The following IL5RA variants were observed in gnomAD, a reference collection of about 807,000 sequenced individuals.
IL5RA encodes interleukin-5 receptor subunit alpha.
A neutral mutation model predicts 50.0 loss-of-function variants in IL5RA; 49 were observed. The ratio of observed to expected loss-of-function variants is 0.98; its 90% confidence interval spans 0.78 to 1.24. IL5RA has a LOEUF of 1.24. IL5RA is among the 50% of genes most tolerant of loss of function. The probability of loss-of-function intolerance (pLI) is 0.00; values close to 1 mark genes in which losing one functional copy is unlikely to be tolerated. For missense variants in IL5RA, 600 were observed against 500.4 expected, an observed-to-expected ratio of 1.20 and a Z score of -1.90; for synonymous variants, 202 against 174.0, an observed-to-expected ratio of 1.16 and a Z score of -1.26.
In IL5RA at chr3:3,092,457, T is replaced by G; in HGVS notation, c.856-95A>C. 1 of 1,146,686 alleles carries G rather than the reference T, an allele frequency of 8.7e-7. No individual in the cohort carries two copies. Among genetic ancestry groups the G allele is most frequent in the Non-Finnish European group, 1.3e-6 (1 of 791,684 alleles). 71.0% of individuals were successfully genotyped at this position (1,146,686 alleles called of 1,614,324 possible). On this transcript the variant is annotated intron_variant, in intron 8 of 11. Transcript: ENST00000446632. This position sits in a 1 kb window ranked among gnomAD's most constrained non-coding sequence, Gnocchi z 4.2. ...GGAGGTCCTATATAGGTCATGTGAC[T>G]CACTGTTCAGCAAGTCCTTTAAAAT...
intron 8 of IL5RA, among the ~76,000 whole-genome samples, chr3:3,094,238 T>C (rs1473135955): frequency 6.6e-6 from 1 of 152,222 alleles, no homozygotes; most frequent in Non-Finnish European, 1.5e-5. Context: ...CTTGCAAAAC[T>C]GGAACTCTGT....
rs1703446890 is a variant in IL5RA at position 3,098,045 on chromosome 3, C to A, written c.534G>T (p.Trp178Cys). ...QYFLYYRYGS[W>C]TEECQEYSKD... The stretch of plus-strand genomic sequence containing the variant: ...TGCTGTATTCTTGGCATTCTTCAGT[C>A]CAAGAGCCATACCTAAATTGGAACA... The change falls in exon 7 of 12, where the codon TGG becomes TGT. Residue 178 changes from tryptophan (W) to cysteine (C), a missense_variant. By Grantham distance (215) the Trp-to-Cys change is radical (BLOSUM62 -2). Transcript: ENST00000446632. The A allele has an allele frequency of 1.9e-6, 3 of 1,614,128 alleles. No individual in the cohort carries two copies. Among genetic ancestry groups the A allele is most frequent in the South Asian group, 1.1e-5 (1 of 91,064 alleles).
chr3:3,088,537 A>T (rs334809), intron 9 of IL5RA, among the ~76,000 whole-genome samples: 112,047 of 152,190 alleles, frequency 0.74, 42,427 homozygotes, highest in African/African-American at 0.93. Context: ...CTAGCTTATA[A>T]CATAGAGCTA....
chr3:3,109,300 G>A (rs887142555), intron 1 of IL5RA, among the ~76,000 whole-genome samples: 10 of 152,148 alleles, frequency 6.6e-5, no homozygotes, highest in African/African-American at 2.4e-4. Context: ...GGAAATCCAA[G>A]AACCCCTACC....
At chr3:3,101,112 G>A (rs1191000641) in intron 5 of IL5RA, among the ~76,000 whole-genome samples, 1 of 151,642 alleles carries the variant, frequency 6.6e-6, no homozygotes, top group Non-Finnish European at 1.5e-5. Flanking sequence ...CCAGGAGGCA[G>A]AGGTTGCAGT....
intron 7 of IL5RA, 69 bp downstream of exon 7, chr3:3,097,801 A>T (rs950498882): frequency 6.6e-7 from 1 of 1,509,854 alleles, no homozygotes; most frequent in African/African-American, 1.4e-5. Flanking sequence ...GGTGATCTTT[A>T]TAACCCTTCC....
chr3:3,080,439 G>A (rs1301736707), intron 9 of IL5RA, among the ~76,000 whole-genome samples: 1 of 152,156 alleles, frequency 6.6e-6, no homozygotes, highest in Non-Finnish European at 1.5e-5. Context: ...AGGGCACACT[G>A]AATACATAGG....
intron 4 of IL5RA, 93 bp downstream of exon 4, chr3:3,102,582 A>AC: frequency 1.1e-6 from 1 of 884,554 alleles, no homozygotes; most frequent in Non-Finnish European, 1.7e-6. Context: ...CAGTAATTTT[A>AC]TTTTTTTAAT....
chr3:3,091,651 GA>G (rs1703110973), intron 9 of IL5RA, among the ~76,000 whole-genome samples: 2 of 152,268 alleles, frequency 1.3e-5, no homozygotes, highest in South Asian at 4.1e-4. Flanking sequence ...AGAATCGCTC[GA>G]ACCCAGGAGG....
rs1033478131 is a variant in IL5RA, at chr3:3,092,672, A to G, written c.856-310T>C. 2.0e-5 allele frequency among the ~76,000 whole-genome samples: 3 copies of G among 152,224 alleles called. No homozygotes were observed. The highest frequency in any genetic ancestry group is 7.2e-5 in the African/African-American group (3 of 41,454). ...ACTGGAGTGGCCTATGCTAGAATGC[A>G]TTATTCCCTCACCTTGTCTCTCCAT... On this transcript the variant is annotated intron_variant, in intron 8 of 11. Coordinates refer to ENST00000446632, the MANE Select transcript of IL5RA (RefSeq NM_175726.4). This position sits in a 1 kb window ranked among gnomAD's most constrained non-coding sequence, Gnocchi z 4.2.
chr3:3,094,459 G>A (rs1180651710), intron 8 of IL5RA, among the ~76,000 whole-genome samples: 1 of 152,082 alleles, frequency 6.6e-6, no homozygotes, highest in African/African-American at 2.4e-5. Flanking sequence ...TTTTAATGCT[G>A]GATAATATCC....
At chr3:3,083,376 G>T (rs1272178981) in intron 9 of IL5RA, among the ~76,000 whole-genome samples, 1 of 152,202 alleles carries the variant, frequency 6.6e-6, no homozygotes, top group Non-Finnish European at 1.5e-5. Flanking sequence ...TGGTGGAACT[G>T]GGCTTGCATT....
At chr3:3,076,017 T>C (rs1335108828) in intron 10 of IL5RA, among the ~76,000 whole-genome samples, 2 of 152,214 alleles carry the variant, frequency 1.3e-5, no homozygotes, top group African/African-American at 4.8e-5. Flanking sequence ...TTATGGACCA[T>C]TTGTGGACTC....
chr3:3,078,809 G>C (rs1702569750), intron 9 of IL5RA, among the ~76,000 whole-genome samples: 1 of 149,910 alleles, frequency 6.7e-6, no homozygotes, highest in African/African-American at 2.5e-5. Context: ...ACTCCAGCCT[G>C]GGTGACAAGA....
intron 4 of IL5RA, 128 bp from the exon 5 acceptor site, chr3:3,101,958 G>GA: frequency 1.2e-6 from 1 of 864,278 alleles, no homozygotes; most frequent in Non-Finnish European, 1.7e-6. Context: ...AGTTTTGCTA[G>GA]AAAAAAAGTC....
Position 3,070,147 on chromosome 3 carries a change from C to G in IL5RA, c.*78G>C, listed in dbSNP as rs944391336. ...TGCCTAAATTCTGAACACCTCTTAG[C>G]CAAGAGCCAGCATCCCTGTTCTTTT... On this transcript the variant is annotated 3_prime_UTR_variant, in exon 12 of 12. Transcript: ENST00000446632. The G allele has an allele frequency of 7.5e-6, 7 of 929,292 alleles. No homozygotes were observed. The African/African-American group carries it at 1.2e-4, about 16-fold the overall frequency. 57.6% of individuals were successfully genotyped at this position (929,292 alleles called of 1,614,324 possible). A position where few individuals can be genotyped will look rare whatever the true frequency, so the allele number is the denominator to read the frequency against.
chr3:3,076,056 T>C (rs1702470266), intron 10 of IL5RA, among the ~76,000 whole-genome samples: 1 of 152,150 alleles, frequency 6.6e-6, no homozygotes, highest in Admixed American at 6.6e-5. Flanking sequence ...CCACATGCGA[T>C]TTCTAGAATC....
In IL5RA at chr3:3,069,776, T is replaced by A. The variant is rs995825152; in HGVS notation, c.*449A>T. On this transcript the variant is annotated 3_prime_UTR_variant, in exon 12 of 12. Coordinates refer to ENST00000446632, the MANE Select transcript of IL5RA (RefSeq NM_175726.4). Reference sequence around the variant, plus strand: ...ACAGTCTTGAATCCAAGTTCATGGTTCACTCCAGGCTGATGCAAAATGCTT... The same window carrying A: ...ACAGTCTTGAATCCAAGTTCATGGTACACTCCAGGCTGATGCAAAATGCTT... 6.3e-6 allele frequency: 1 copy of A among 157,952 alleles called. No homozygotes were observed. The highest frequency in any genetic ancestry group is 2.4e-5 in the African/African-American group (1 of 41,592). 9.8% of individuals were successfully genotyped at this position (157,952 alleles called of 1,614,324 possible).
In IL5RA at chr3:3,101,832, T is replaced by C. The variant is rs1254003106; in HGVS notation, c.229-2A>G. ...GCTTTCAGTGATTCTGGTTTCATAC[T>C]AAAAATAAAACCCACAAGTCATGAT... is the stretch of plus-strand genomic sequence containing the variant. On this transcript the variant is annotated splice_acceptor_variant, in intron 4 of 11. Coordinates refer to ENST00000446632, the MANE Select transcript of IL5RA (RefSeq NM_175726.4). LOFTEE classifies it high-confidence loss of function. The C allele has an allele frequency of 6.2e-7, 1 of 1,612,874 alleles. No individual in the cohort carries two copies. The highest frequency in any genetic ancestry group is 8.5e-7 in the Non-Finnish European group (1 of 1,179,494).
Sources: allele counts gnomAD v4.1 joint callset (sites outside exome capture counted in the v4.1 genomes callset), GRCh38; gene constraint gnomAD v4.1.1; non-coding constraint Gnocchi (gnomAD v3.1); transcripts MANE v1.5; gene names NCBI Gene and HGNC (gene_info 2026-07-23, HGNC 2026-07-21).